The following ACBD5 variants were observed in gnomAD, a reference collection of about 807,000 sequenced individuals.
ACBD5 encodes the protein acyl-CoA-binding domain-containing protein 5.
ACBD5 carries 40 observed loss-of-function variants against 71.8 expected under a neutral mutation model. That is an observed-to-expected ratio of 0.56 (90% CI 0.43 to 0.72). The LOEUF is 0.72. Among genes scored for constraint, ACBD5 ranks in the 30% least tolerant of loss-of-function variants. The pLI is 0.00. For missense variants in ACBD5, 559 were observed against 644.5 expected (o/e 0.87, Z 1.44); for synonymous variants, 229 against 218.6 (o/e 1.05, Z -0.42).
Position 27,240,357 on chromosome 10 carries a change from T to TA in ACBD5, c.142_143insT (p.Glu48ValfsTer21). ...ACTCTGGATCACCTTCACGGCCGCCTCAAACCTAGTCTCGTGCACGGATCT... is the reference window on the plus strand; with the variant it reads ...ACTCTGGATCACCTTCACGGCCGCCTACAAACCTAGTCTCGTGCACGGATCT... On this transcript the variant is annotated frameshift_variant, in exon 2 of 13. Transcript: ENST00000396271. LOFTEE classifies it high-confidence loss of function. The surrounding 1 kb of genome is among the most constrained non-coding windows in gnomAD (Gnocchi z 4.1). 6.2e-7 allele frequency: 1 copy of TA among 1,613,574 alleles called. No homozygotes were observed. The highest frequency in any genetic ancestry group is 8.5e-7 in the Non-Finnish European group (1 of 1,179,948).
Position 27,197,151 on chromosome 10 carries a change from A to C in ACBD5, c.*279T>G, listed in dbSNP as rs2059446068. ...ACATGTTACCAAATGATCATTAATAATTTAATGTCCTTCAAGTTCAAGGGC... is the reference window on the plus strand; with the variant it reads ...ACATGTTACCAAATGATCATTAATACTTTAATGTCCTTCAAGTTCAAGGGC... On this transcript the variant is annotated 3_prime_UTR_variant, in exon 13 of 13. Transcript: ENST00000396271. 1.9e-6 allele frequency: 1 copy of C among 538,328 alleles called. No individual in the cohort carries two copies. 33.3% of individuals were successfully genotyped at this position (538,328 alleles called of 1,614,324 possible). A position where few individuals can be genotyped will look rare whatever the true frequency, so the allele number is the denominator to read the frequency against.
intron 5 of ACBD5, 120 bp downstream of exon 5, chr10:27,223,218 T>A (rs1010510013): frequency 1.0e-5 from 8 of 774,314 alleles, no homozygotes; most frequent in Non-Finnish European, 1.8e-5. Flanking sequence ...TTCTAAACAT[T>A]TAGAGATTTT....
chr10:27,218,296 G>A (rs1191626315), intron 6 of ACBD5, 113 bp from the exon 7 acceptor site: 8 of 887,078 alleles, frequency 9.0e-6, no homozygotes, highest in Non-Finnish European at 1.5e-5. Flanking sequence ...CCCTTTGAAG[G>A]GTTTCCTACT....
At chr10:27,241,874 G>A, upstream of ACBD5, among the ~76,000 whole-genome samples, 1 of 152,224 alleles carries the variant, frequency 6.6e-6, no homozygotes, top group South Asian at 2.1e-4. Flanking sequence ...GCCCCAGGCC[G>A]AACGTTGGTG....
At position 27,208,352 on chromosome 10, in the gene ACBD5, C is replaced by G. The variant is rs768000744; in HGVS notation, c.1298G>C (p.Arg433Pro). 6.2e-7 allele frequency: 1 copy of G among 1,614,176 alleles called. No individual in the cohort carries two copies. Among genetic ancestry groups the G allele is most frequent in the African/African-American group, 1.3e-5 (1 of 75,036 alleles). Residue 433 changes from arginine to proline, a missense_variant, in exon 10 of 13, where the codon CGA (arginine) becomes CCA (proline). Arg to Pro is a moderately radical substitution (Grantham distance 103). Coordinates refer to ENST00000396271, the MANE Select transcript of ACBD5 (RefSeq NM_145698.5). ...GGCGATCTGCTCATTGAGGCTGCCT[C>G]GGGACCCTCTGTCGGAGCCCCAGCG... ...GERWGSDRGS[R>P]GSLNEQIALV...
intron 5 of ACBD5, among the ~76,000 whole-genome samples, chr10:27,221,935 A>G (rs868726733): frequency 6.5e-4 from 97 of 149,730 alleles, no homozygotes; most frequent in Admixed American, 1.1e-3. Flanking sequence ...AAAAAAAAAA[A>G]AAAAGAAAAG....
intron 11 of ACBD5, 118 bp from the exon 12 acceptor site, chr10:27,204,667 C>A (rs1038371092): frequency 2.8e-5 from 21 of 741,318 alleles, no homozygotes; most frequent in East Asian, 2.4e-4. Context: ...AATCTCACTC[C>A]TGCTGAAAGA....
chr10:27,186,642 C>G (rs776018282), intron 13 of ACBD5: 3 of 1,068,320 alleles, frequency 2.8e-6, no homozygotes, highest in Non-Finnish European at 4.4e-6. Flanking sequence ...CATTATTTAA[C>G]CTAGTTCAAT....
chr10:27,238,229 G>C (rs12264871), intron 2 of ACBD5, among the ~76,000 whole-genome samples: 1 of 152,056 alleles, frequency 6.6e-6, no homozygotes, highest in Non-Finnish European at 1.5e-5. Context: ...AGCCTGCCTC[G>C]GCCTCCCACA....
In ACBD5 at chr10:27,195,520, C is replaced by T. The variant is rs1564529654; in HGVS notation, c.*1910G>A. 4.4e-6 allele frequency: 2 copies of T among 452,912 alleles called. No homozygotes were observed. The highest frequency in any genetic ancestry group is 4.0e-5 in the African/African-American group (2 of 50,072). The allele number at this position is 452,912 out of a possible 1,614,324, so 28.1% of individuals were successfully genotyped here. A position where few individuals can be genotyped will look rare whatever the true frequency, so the allele number is the denominator to read the frequency against. ...AATTTGCATTTTATTTATTTATATA[C>T]TAAGAGAAAAGACACTTTTTACTGA... is the stretch of plus-strand genomic sequence containing the variant. On this transcript the variant is annotated 3_prime_UTR_variant, in exon 13 of 13. Coordinates refer to ENST00000396271, the MANE Select transcript of ACBD5 (RefSeq NM_145698.5).
intron 2 of ACBD5, among the ~76,000 whole-genome samples, chr10:27,238,071 G>A (rs745687920): frequency 6.6e-6 from 1 of 151,800 alleles, no homozygotes; most frequent in African/African-American, 2.4e-5. Context: ...TCAGCCTCCC[G>A]AGTAGGTGGG....
rs183796114 is a variant in ACBD5, at chr10:27,196,156, C to T, written c.*1274G>A. On this transcript the variant is annotated 3_prime_UTR_variant, in exon 13 of 13. Coordinates refer to ENST00000396271, the MANE Select transcript of ACBD5 (RefSeq NM_145698.5). ...TGGAAGTTGCAGTGAGCCAAGATCA[C>T]GCCATTGCCCTCCAGCCTGGGCAAC... is the stretch of plus-strand genomic sequence containing the variant. 2.9e-5 allele frequency: 13 copies of T among 453,410 alleles called. No homozygotes were observed. The highest frequency in any genetic ancestry group is 7.0e-5 in the East Asian group (1 of 14,388). The allele number at this position is 453,410 out of a possible 1,614,324, so 28.1% of individuals were successfully genotyped here. A position where few individuals can be genotyped will look rare whatever the true frequency, so the allele number is the denominator to read the frequency against.
chr10:27,183,013 C>A (rs138968363), intron 13 of ACBD5, among the ~76,000 whole-genome samples: 109 of 152,036 alleles, frequency 7.2e-4, no homozygotes, highest in African/African-American at 2.5e-3. Flanking sequence ...TACAGGAAAT[C>A]TTTTTTTATG....
chr10:27,186,345 A>T (rs1436390464), intron 13 of ACBD5: 1 of 1,593,038 alleles, frequency 6.3e-7, no homozygotes, highest in Admixed American at 1.7e-5. Context: ...TTAGGTAATG[A>T]TATCATACTG....
chr10:27,205,975 G>A (rs925689793), intron 10 of ACBD5, among the ~76,000 whole-genome samples: 4 of 151,880 alleles, frequency 2.6e-5, no homozygotes, highest in Middle Eastern at 3.2e-3. Context: ...TGGTGAGATC[G>A]TGGCTCACTG....
chr10:27,208,817 G>A lies in ACBD5; in HGVS notation c.1205-372C>T, dbSNP rs548032456. Among the ~76,000 whole-genome samples, 7 of 152,106 alleles carry A rather than the reference G, an allele frequency of 4.6e-5. 1 individual carries two copies. The highest frequency in any genetic ancestry group is 1.7e-4 in the African/African-American group (7 of 41,512). The stretch of plus-strand genomic sequence containing the variant: ...CATGCCACTGCACTCCAGCCTGGGC[G>A]ACAGAGCGATACTCCATCTCAAAAA... On this transcript the variant is annotated intron_variant, in intron 9 of 12. Transcript: ENST00000396271.
At chr10:27,212,489 G>A (rs2061196360) in intron 8 of ACBD5, among the ~76,000 whole-genome samples, 1 of 151,866 alleles carries the variant, frequency 6.6e-6, no homozygotes, top group Non-Finnish European at 1.5e-5. Context: ...AAAATAAAAG[G>A]GAATCTGAGT....
At chr10:27,218,988 A>G (rs900765538) in intron 6 of ACBD5, among the ~76,000 whole-genome samples, 7 of 152,072 alleles carry the variant, frequency 4.6e-5, no homozygotes, top group Non-Finnish European at 8.8e-5. Context: ...CATAATTCCA[A>G]TGTTCCTTCT....
At chr10:27,220,475 T>A (rs1336750033) in intron 5 of ACBD5, 1 of 152,604 alleles carries the variant, frequency 6.6e-6, no homozygotes, top group Non-Finnish European at 1.5e-5. Context: ...CTATTTAAGA[T>A]GCAGATTCTG....
Sources: gnomAD v4.1 joint callset for allele counts (sites outside exome capture counted in the v4.1 genomes callset) on GRCh38, gnomAD v4.1.1 for gene constraint, Gnocchi (gnomAD v3.1) non-coding constraint, MANE v1.5 for transcripts, NCBI Gene and HGNC (gene_info 2026-07-23, HGNC 2026-07-21) for gene names.